The following TMEM74 variants were observed in gnomAD, a reference collection of about 807,000 sequenced individuals.
TMEM74 encodes transmembrane protein 74.
A neutral mutation model predicts 18.1 loss-of-function variants in TMEM74; 13 were observed. The ratio of observed to expected loss-of-function variants is 0.72; its 90% CI spans 0.47 to 1.14. The LOEUF (loss-of-function observed/expected upper bound fraction) is 1.14, where lower values mean the gene tolerates loss of function less well. Among genes scored for constraint, TMEM74 ranks in the 50% most tolerant of loss-of-function variants. The pLI is 0.00. For missense variants in TMEM74, 372 were observed against 375.9 expected (o/e 0.99, Z 0.09); for synonymous variants, 159 against 146.6 (o/e 1.08, Z -0.61).
chr8:108,713,979 G>A (rs3019349), intron 1 of TMEM74, among the ~76,000 whole-genome samples: 11,330 of 152,104 alleles, frequency 0.074, 601 homozygotes, highest in East Asian at 0.23. Flanking sequence ...GAGAAAAAGA[G>A]TGTATCCCAG....
At chr8:108,645,711 A>G (rs1353953095) in intron 2 of TMEM74, among the ~76,000 whole-genome samples, 1 of 152,096 alleles carries the variant, frequency 6.6e-6, no homozygotes, top group Non-Finnish European at 1.5e-5. Context: ...TGGAGCACAG[A>G]CACAACAGAG....
At chr8:108,641,516 T>C (rs1038244581) in intron 2 of TMEM74, among the ~76,000 whole-genome samples, 16 of 152,130 alleles carry the variant, frequency 1.1e-4, no homozygotes, top group Non-Finnish European at 1.5e-4. Context: ...CATGTGCTAC[T>C]ATACTCTTGA....
intron 1 of TMEM74, among the ~76,000 whole-genome samples, chr8:108,674,593 C>G (rs1586256140): frequency 6.6e-6 from 1 of 152,190 alleles, no homozygotes; most frequent in East Asian, 1.9e-4. Flanking sequence ...ATAATCGAAC[C>G]ATGTGCTTAA....
At position 108,683,059 on chromosome 8, in the gene TMEM74, A is replaced by T. The variant is rs556898160; in HGVS notation, n.120-27622T>A. Among the ~76,000 whole-genome samples, 16 of 152,060 alleles carry T rather than the reference A, an allele frequency of 1.1e-4. 2 individuals carry two copies. The highest frequency in any genetic ancestry group is 2.2e-4 in the African/African-American group (9 of 41,582). ...AATAACTTGCCAAAAATAATAATAA[A>T]AAACAAATGCAGGATTATCTAAGAA... On this transcript the variant is annotated intron_variant and non_coding_transcript_variant, in intron 1 of 3. Transcript: ENST00000518838.
At chr8:108,773,262 A>C (rs979410898) in intron 1 of TMEM74, among the ~76,000 whole-genome samples, 4 of 152,132 alleles carry the variant, frequency 2.6e-5, no homozygotes, top group African/African-American at 9.7e-5. Flanking sequence ...TTTTCTCTGC[A>C]AGGCTCAAAG....
chr8:108,715,721 A>G (rs1324618835), intron 1 of TMEM74, among the ~76,000 whole-genome samples: 1 of 152,154 alleles, frequency 6.6e-6, no homozygotes, highest in Non-Finnish European at 1.5e-5. Context: ...CAAAAAACAT[A>G]TACAGGCAAA....
intron 2 of TMEM74, among the ~76,000 whole-genome samples, chr8:108,636,311 C>T (rs992879006): frequency 1.3e-5 from 2 of 152,122 alleles, no homozygotes; most frequent in South Asian, 4.2e-4. Context: ...ATTCTGTTCC[C>T]TTAGTTTGTT....
At chr8:108,639,967 G>A (rs983762910) in intron 2 of TMEM74, among the ~76,000 whole-genome samples, 18 of 151,980 alleles carry the variant, frequency 1.2e-4, no homozygotes, top group African/African-American at 4.3e-4. Flanking sequence ...ATTATTATCA[G>A]GCAAACATCT....
chr8:108,778,256 A>G (rs1022559273), downstream of TMEM74, among the ~76,000 whole-genome samples: 5 of 152,106 alleles, frequency 3.3e-5, no homozygotes, highest in African/African-American at 7.2e-5. Flanking sequence ...CTTAAGTGGG[A>G]CTATATGACT....
intron 1 of TMEM74, among the ~76,000 whole-genome samples, chr8:108,676,033 T>C (rs1378861657): frequency 1.3e-5 from 2 of 152,110 alleles, no homozygotes; most frequent in Non-Finnish European, 2.9e-5. Flanking sequence ...AGGACATACA[T>C]GTAAAACACT....
intron 1 of TMEM74, among the ~76,000 whole-genome samples, chr8:108,787,160 C>T (rs1408806286): frequency 1.3e-5 from 2 of 152,166 alleles, no homozygotes; most frequent in Non-Finnish European, 2.9e-5. Flanking sequence ...CAATTAAAAG[C>T]ATTAATATTT....
intron 1 of TMEM74, among the ~76,000 whole-genome samples, chr8:108,728,841 G>A (rs1326205506): frequency 2.6e-5 from 4 of 152,074 alleles, no homozygotes; most frequent in South Asian, 2.1e-4. Context: ...GAATAAATGC[G>A]TTAAGAAGCC....
At chr8:108,717,591 A>T (rs1165515210) in intron 1 of TMEM74, among the ~76,000 whole-genome samples, 1 of 152,132 alleles carries the variant, frequency 6.6e-6, no homozygotes, top group Non-Finnish European at 1.5e-5. Context: ...GCAGATAGGG[A>T]ATGCTGGGGA....
chr8:108,737,106 C>A (rs1323954606), intron 1 of TMEM74, among the ~76,000 whole-genome samples: 1 of 152,136 alleles, frequency 6.6e-6, no homozygotes. Context: ...AAGGCAGGAT[C>A]ATGTAGGTGA....
At chr8:108,640,330 T>G (rs924248397) in intron 2 of TMEM74, among the ~76,000 whole-genome samples, 13 of 150,676 alleles carry the variant, frequency 8.6e-5, no homozygotes, top group African/African-American at 3.2e-4. Context: ...GCCAGGCTGG[T>G]CTTGAACTCC....
At chr8:108,703,972 C>T (rs1813363973) in intron 1 of TMEM74, among the ~76,000 whole-genome samples, 1 of 152,184 alleles carries the variant, frequency 6.6e-6, no homozygotes, top group Admixed American at 6.5e-5. Flanking sequence ...GGTTCCCCTA[C>T]TGTGAATAAA....
At chr8:108,703,653 G>A (rs1813360498) in intron 1 of TMEM74, among the ~76,000 whole-genome samples, 1 of 152,164 alleles carries the variant, frequency 6.6e-6, no homozygotes, top group Non-Finnish European at 1.5e-5. Context: ...CTAGCCCTGA[G>A]GCCTTATTAC....
chr8:108,660,505 C>G (rs1177576843), intron 1 of TMEM74, among the ~76,000 whole-genome samples: 1 of 152,202 alleles, frequency 6.6e-6, no homozygotes, highest in Non-Finnish European at 1.5e-5. Context: ...ACCCTCAACT[C>G]CATAGCAGAA....
Position 108,783,970 on chromosome 8 carries a change from A to G in TMEM74, c.*211T>C, listed in dbSNP as rs1382607768. 1 of 420,680 alleles carries G rather than the reference A, an allele frequency of 2.4e-6. No individual in the cohort carries two copies. The highest frequency in any genetic ancestry group is 4.2e-6 in the Non-Finnish European group (1 of 239,038). The allele number at this position is 420,680 out of a possible 1,614,324, so 26.1% of individuals were successfully genotyped here. ...AATTAGCCTTCAGCTCTTCAGAAGG[A>G]TAGGTGTGGCTGGTTGTGGTTTCTT... On this transcript the variant is annotated 3_prime_UTR_variant, in exon 2 of 2. Coordinates refer to ENST00000297459, the MANE Select transcript of TMEM74 (RefSeq NM_153015.3).
Sources: allele counts gnomAD v4.1 joint callset (sites outside exome capture counted in the v4.1 genomes callset), GRCh38; gene constraint gnomAD v4.1.1; transcripts MANE v1.5; gene names NCBI Gene and HGNC (gene_info 2026-07-23, HGNC 2026-07-21).